Variants in DOCK3 observed in about 807,000 individuals in gnomAD.
DOCK3 encodes dedicator of cytokinesis protein 3.
A neutral mutation model predicts 265.6 loss-of-function variants in DOCK3; 60 were observed. That is an observed-to-expected ratio of 0.23 (90% CI 0.18 to 0.28). The LOEUF (loss-of-function observed/expected upper bound fraction) is 0.28, where lower values mean the gene tolerates loss of function less well. Among genes scored for constraint, DOCK3 ranks in the 10% least tolerant of loss-of-function variants. The pLI, the probability that DOCK3 is intolerant of heterozygous loss-of-function variation, is 1.00. For missense variants in DOCK3, 1,981 were observed against 2,594.3 expected, an observed-to-expected ratio of 0.76 and a Z score of 5.14; for synonymous variants, 881 against 938.0, an observed-to-expected ratio of 0.94 and a Z score of 1.11.
At chr3:51,066,809 C>A (rs373769535) in intron 6 of DOCK3, among the ~76,000 whole-genome samples, 1 of 152,114 alleles carries the variant, frequency 6.6e-6, no homozygotes, top group Non-Finnish European at 1.5e-5. Context: ...CTTTTTGAAG[C>A]CACAACTTTA....
chr3:50,966,611 A>T (rs2077041539), intron 5 of DOCK3, among the ~76,000 whole-genome samples: 1 of 149,626 alleles, frequency 6.7e-6, no homozygotes, highest in Non-Finnish European at 1.5e-5. Context: ...ACCTTTTCAT[A>T]CACCTGTTGC....
At chr3:50,742,283 G>C (rs1419337423) in intron 1 of DOCK3, among the ~76,000 whole-genome samples, 1 of 152,180 alleles carries the variant, frequency 6.6e-6, no homozygotes, top group Non-Finnish European at 1.5e-5. Flanking sequence ...CTAAAAAGCA[G>C]AGCGCCTCTC....
rs1418227818 is a variant in DOCK3, at chr3:50,753,101, A to T, written c.38-25574A>T. ...GAACAGATCTCCACACGTTTTTTTG[A>T]TGAAATTCAAAATATAATAATTGAA... is the stretch of plus-strand genomic sequence containing the variant. On this transcript the variant is annotated intron_variant, in intron 1 of 52. Transcript: ENST00000266037. Among the ~76,000 whole-genome samples, 3 of 152,192 alleles carry T rather than the reference A, an allele frequency of 2.0e-5. No individual in the cohort carries two copies. The East Asian group carries it at 5.8e-4, about 29-fold the overall frequency.
intron 5 of DOCK3, among the ~76,000 whole-genome samples, chr3:50,997,971 G>A (rs920681535): frequency 5.9e-4 from 89 of 152,112 alleles, no homozygotes; most frequent in African/African-American, 2.0e-3. Context: ...AGAATATAAT[G>A]TATTTTAATG....
chr3:50,918,523 T>TG (rs2050257640), intron 4 of DOCK3, among the ~76,000 whole-genome samples: 1 of 152,180 alleles, frequency 6.6e-6, no homozygotes, highest in African/African-American at 2.4e-5. Flanking sequence ...ATAATGAGCC[T>TG]TTTTTCATGT....
Position 50,676,700 on chromosome 3 carries a change from G to C in DOCK3, c.37+1400G>C, listed in dbSNP as rs868223664. Among the ~76,000 whole-genome samples, 15 of 67,262 alleles carry C rather than the reference G, an allele frequency of 2.2e-4. No homozygotes were observed. The East Asian group carries it at 5.5e-3, about 25-fold the overall frequency. 44.1% of individuals were successfully genotyped at this position (67,262 alleles called of 152,430 possible). ...ATTGATTTTTTTGGAGGGGGGAGGA[G>C]CCCTATTTTGGCGGGGGTGGGGGCG... On this transcript the variant is annotated intron_variant, in intron 1 of 52. Transcript: ENST00000266037.
At chr3:51,159,376 C>A in intron 11 of DOCK3, 72 bp downstream of exon 11, 3 of 1,406,748 alleles carry the variant, frequency 2.1e-6, no homozygotes, top group Non-Finnish European at 3.0e-6. Flanking sequence ...TGTGCATGAG[C>A]TTTGTTTTCT....
At chr3:50,821,808 G>T (rs2044452897) in intron 2 of DOCK3, among the ~76,000 whole-genome samples, 1 of 152,034 alleles carries the variant, frequency 6.6e-6, no homozygotes, top group Non-Finnish European at 1.5e-5. Flanking sequence ...AGTTGTAGCT[G>T]ATCTTTATTC....
At chr3:51,057,097 T>A (rs900745157) in intron 5 of DOCK3, among the ~76,000 whole-genome samples, 1 of 152,248 alleles carries the variant, frequency 6.6e-6, no homozygotes, top group African/African-American at 2.4e-5. Context: ...ATTTACTGAC[T>A]TAGAGGCATC....
At chr3:50,679,937 CTT>C (rs2034270069) in intron 1 of DOCK3, among the ~76,000 whole-genome samples, 2 of 152,256 alleles carry the variant, frequency 1.3e-5, no homozygotes, top group African/African-American at 4.8e-5. Context: ...CCTCTCCCCT[CTT>C]TTTTAAACAG....
chr3:51,327,456 A>G (rs2084201920), intron 32 of DOCK3, among the ~76,000 whole-genome samples: 2 of 152,228 alleles, frequency 1.3e-5, no homozygotes, highest in East Asian at 1.9e-4. Context: ...TATTGTTTCT[A>G]TGGAATAAAA....
chr3:50,709,822 A>C (rs1022192494), intron 1 of DOCK3, among the ~76,000 whole-genome samples: 5 of 152,178 alleles, frequency 3.3e-5, no homozygotes, highest in African/African-American at 1.2e-4. Flanking sequence ...GTGAGACTCC[A>C]TCTCAAAAAT....
chr3:50,761,918 A>G (rs1461333192), intron 1 of DOCK3, among the ~76,000 whole-genome samples: 1 of 152,248 alleles, frequency 6.6e-6, no homozygotes, highest in Admixed American at 6.5e-5. Context: ...ACGGAATACT[A>G]TGCTGCCATA....
chr3:51,063,422 A>G (rs1168394113), intron 5 of DOCK3, among the ~76,000 whole-genome samples: 5 of 152,190 alleles, frequency 3.3e-5, no homozygotes, highest in Admixed American at 1.3e-4. Flanking sequence ...TGTTTTAGTT[A>G]TAAGATCACT....
intron 1 of DOCK3, among the ~76,000 whole-genome samples, chr3:50,737,036 CA>C (rs1378399385): frequency 1.3e-5 from 2 of 152,066 alleles, no homozygotes; most frequent in African/African-American, 4.8e-5. Context: ...ATCCTTCGCC[CA>C]CTTTTTGATG....
At position 51,374,659 on chromosome 3, in the gene DOCK3, G is replaced by A; in HGVS notation, c.5412+72G>A. The A allele has an allele frequency of 7.2e-7, 1 of 1,398,036 alleles. No homozygotes were observed. The highest frequency in any genetic ancestry group is 9.9e-7 in the Non-Finnish European group (1 of 1,007,436). 86.6% of individuals were successfully genotyped at this position (1,398,036 alleles called of 1,614,324 possible). ...CCTGTGCTTCCCTCCTTGCATTTGC[G>A]GGGCCTTCTGCATTGTCCTACATGG... On this transcript the variant is annotated intron_variant, in intron 50 of 52. Transcript: ENST00000266037. This position sits in a 1 kb window ranked among gnomAD's most constrained non-coding sequence, Gnocchi z 4.8.
At chr3:50,704,744 G>A (rs2036277605) in intron 1 of DOCK3, among the ~76,000 whole-genome samples, 1 of 151,302 alleles carries the variant, frequency 6.6e-6, no homozygotes, top group African/African-American at 2.4e-5. Flanking sequence ...TCCTGCTTCA[G>A]CCTCCTGAGT....
intron 3 of DOCK3, among the ~76,000 whole-genome samples, chr3:50,881,128 CAAAAT>C (rs1260064879): frequency 6.6e-6 from 1 of 152,128 alleles, no homozygotes; most frequent in Non-Finnish European, 1.5e-5. Flanking sequence ...GGATGTATCT[CAAAAT>C]AATAAGAGCT....
chr3:51,024,359 C>T (rs561761995), intron 5 of DOCK3, among the ~76,000 whole-genome samples: 75 of 152,260 alleles, frequency 4.9e-4, no homozygotes, highest in African/African-American at 1.6e-3. Flanking sequence ...ATGATTCAGG[C>T]TTTAGGCCAG....
Sources: gnomAD v4.1 joint callset for allele counts (sites outside exome capture counted in the v4.1 genomes callset) on GRCh38, gnomAD v4.1.1 for gene constraint, Gnocchi (gnomAD v3.1) non-coding constraint, MANE v1.5 for transcripts, NCBI Gene and HGNC (gene_info 2026-07-23, HGNC 2026-07-21) for gene names.